SH3PXD2B: variants seen among roughly 807,000 people sequenced by gnomAD.
SH3PXD2B encodes SH3 and PX domain-containing protein 2B.
SH3PXD2B carries 37 observed loss-of-function variants against 73.1 expected under a neutral mutation model. The ratio of observed to expected loss-of-function variants is 0.51; its 90% CI spans 0.39 to 0.67. SH3PXD2B has a LOEUF of 0.67. Among genes scored for constraint, SH3PXD2B ranks in the 30% least tolerant of loss-of-function variants. The pLI, the probability that SH3PXD2B is intolerant of heterozygous loss-of-function variation, is 0.00. For synonymous variants in SH3PXD2B, 457 were observed against 480.5 expected, an observed-to-expected ratio of 0.95 and a Z score of 0.64; for missense variants, 1,053 against 1,197.8, an observed-to-expected ratio of 0.88 and a Z score of 1.78.
At chr5:172,439,698 A>ACGCGCGCGCGCG (rs1561584017) in intron 1 of SH3PXD2B, among the ~76,000 whole-genome samples, 5 of 111,550 alleles carry the variant, frequency 4.5e-5, no homozygotes, top group African/African-American at 1.9e-4. Flanking sequence ...GCGCGCACAC[A>ACGCGCGCGCGCG]CACACACACA....
At chr5:172,343,108 G>T (rs1756895812) in intron 12 of SH3PXD2B, among the ~76,000 whole-genome samples, 1 of 152,270 alleles carries the variant, frequency 6.6e-6, no homozygotes. Context: ...GATTAAATTA[G>T]AGTGGAGGTC....
At chr5:172,452,448 CG>C (rs1759817136) in intron 1 of SH3PXD2B, among the ~76,000 whole-genome samples, 1 of 152,138 alleles carries the variant, frequency 6.6e-6, no homozygotes, top group Non-Finnish European at 1.5e-5. Context: ...ATAGGGGTAC[CG>C]GATGTGGGAA....
chr5:172,425,576 G>C (rs141901894), intron 1 of SH3PXD2B, among the ~76,000 whole-genome samples: 2 of 152,202 alleles, frequency 1.3e-5, no homozygotes, highest in Non-Finnish European at 2.9e-5. Context: ...CCTGTGTGAG[G>C]AACAGGAGAG....
intron 6 of SH3PXD2B, among the ~76,000 whole-genome samples, 192 bp downstream of exon 6, chr5:172,373,598 A>ATCCC (rs1199104378): frequency 1.4e-5 from 2 of 147,792 alleles, no homozygotes; most frequent in Non-Finnish European, 3.0e-5. Context: ...CCATCCATCC[A>ATCCC]TCCATCCATC....
chr5:172,398,964 T>A (rs1328129413), intron 3 of SH3PXD2B, among the ~76,000 whole-genome samples: 1 of 152,146 alleles, frequency 6.6e-6, no homozygotes, highest in Non-Finnish European at 1.5e-5. Flanking sequence ...TTTAGTGGAG[T>A]GGTGTTTTCT....
intron 12 of SH3PXD2B, among the ~76,000 whole-genome samples, chr5:172,342,216 T>C (rs896567046): frequency 3.3e-5 from 5 of 152,204 alleles, no homozygotes; most frequent in African/African-American, 1.2e-4. Context: ...CCACCCAGTC[T>C]GGTATTTTGT....
chr5:172,399,884 C>G (rs1418380629), intron 3 of SH3PXD2B, among the ~76,000 whole-genome samples: 1 of 152,120 alleles, frequency 6.6e-6, no homozygotes, highest in Non-Finnish European at 1.5e-5. Context: ...CTTATTCGAC[C>G]TCTCACCTGG....
In SH3PXD2B at chr5:172,397,293, A is replaced by G. The variant is rs1414225157; in HGVS notation, c.233-2654T>C. Among the ~76,000 whole-genome samples the G allele has an allele frequency of 3.3e-5, 5 of 152,192 alleles. No individual in the cohort carries two copies. The East Asian group carries it at 5.8e-4, about 18-fold the overall frequency. ...TGGTCAGACCGTTGTCTGCTCTCAA[A>G]CCCTGTCTCCTGATAAGGTGTTATC... On this transcript the variant is annotated intron_variant, in intron 3 of 12. Coordinates refer to ENST00000311601, the MANE Select transcript of SH3PXD2B (RefSeq NM_001017995.3).
chr5:172,444,750 A>C (rs1031577146), intron 1 of SH3PXD2B, among the ~76,000 whole-genome samples: 1 of 152,064 alleles, frequency 6.6e-6, no homozygotes, highest in African/African-American at 2.4e-5. Flanking sequence ...TTCACCCATG[A>C]AGGGCTCTTC....
intron 12 of SH3PXD2B, among the ~76,000 whole-genome samples, chr5:172,328,356 G>A (rs191276009): frequency 1.9e-3 from 284 of 152,006 alleles, no homozygotes; most frequent in Non-Finnish European, 2.9e-3. Flanking sequence ...CGTCTGCCTC[G>A]GCCTCCCAAA....
intron 1 of SH3PXD2B, among the ~76,000 whole-genome samples, chr5:172,427,702 G>GTTCCT (rs1759130206): frequency 6.6e-6 from 1 of 151,836 alleles, no homozygotes; most frequent in Non-Finnish European, 1.5e-5. Flanking sequence ...GATGAAAAAA[G>GTTCCT]TTCTGGCGAT....
At chr5:172,379,451 T>C (rs1757895441) in intron 5 of SH3PXD2B, among the ~76,000 whole-genome samples, 1 of 152,162 alleles carries the variant, frequency 6.6e-6, no homozygotes. Context: ...TGATCTTGGA[T>C]TTCCAGCCTC....
Position 172,336,721 on chromosome 5 carries a change from A to G in SH3PXD2B, c.*1648T>C. The G allele has an allele frequency of 1.0e-6, 1 of 985,346 alleles. No individual in the cohort carries two copies. The highest frequency in any genetic ancestry group is 1.2e-6 in the Non-Finnish European group (1 of 830,100). The allele number at this position is 985,346 out of a possible 1,614,324, so 61.0% of individuals were successfully genotyped here. On this transcript the variant is annotated 3_prime_UTR_variant, in exon 13 of 13. Transcript: ENST00000311601. ...GGGGAGGGGCGGGGCAGGGCAGGGC[A>G]GGGCTGCCTCGGTCGGGTAGAATGG...
At position 172,346,324 on chromosome 5, in the gene SH3PXD2B, G is replaced by A; in HGVS notation, c.1063-63C>T. On this transcript the variant is annotated intron_variant, in intron 11 of 12. Transcript: ENST00000311601. ...GTGCACTCCTGCGACCCTGTGTCAGGGGGAGTCTAAGGGCCTGGGGCATGC... is the reference window on the plus strand; with the variant it reads ...GTGCACTCCTGCGACCCTGTGTCAGAGGGAGTCTAAGGGCCTGGGGCATGC... 4 of 1,609,764 alleles carry A rather than the reference G, an allele frequency of 2.5e-6. No individual in the cohort carries two copies. In the African/African-American group the frequency reaches 4.0e-5, roughly 16 times the overall value.
chr5:172,363,017 G>A, intron 6 of SH3PXD2B, 148 bp from the exon 7 acceptor site: 1 of 1,121,954 alleles, frequency 8.9e-7, no homozygotes, highest in Non-Finnish European at 1.3e-6. Flanking sequence ...TCCATTCATT[G>A]TTCTATTCAT....
At chr5:172,432,929 G>A (rs1365665388) in intron 1 of SH3PXD2B, among the ~76,000 whole-genome samples, 7 of 55,720 alleles carry the variant, frequency 1.3e-4, no homozygotes, top group Non-Finnish European at 2.3e-4. Flanking sequence ...AAAAAAAGGG[G>A]GGGGGGGGGG....
intron 12 of SH3PXD2B, among the ~76,000 whole-genome samples, chr5:172,326,398 G>A (rs1310996589): frequency 1.3e-5 from 2 of 152,206 alleles, no homozygotes; most frequent in African/African-American, 4.8e-5. Flanking sequence ...GAAATAACTG[G>A]ATTGAACTAG....
chr5:172,398,900 T>G (rs1758366679), intron 3 of SH3PXD2B, among the ~76,000 whole-genome samples: 1 of 152,148 alleles, frequency 6.6e-6, no homozygotes, highest in African/African-American at 2.4e-5. Context: ...CTTTTCAGCT[T>G]CTGGTTTTCG....
intron 8 of SH3PXD2B, among the ~76,000 whole-genome samples, chr5:172,355,571 T>G (rs10061113): frequency 0.38 from 56,695 of 149,722 alleles, 11,746 homozygotes; most frequent in African/African-American, 0.56. Context: ...TTTAGACGGA[T>G]TCTCGCTCTG....
Sources: allele counts gnomAD v4.1 joint callset (sites outside exome capture counted in the v4.1 genomes callset), GRCh38; gene constraint gnomAD v4.1.1; transcripts MANE v1.5; gene names NCBI Gene and HGNC (gene_info 2026-07-23, HGNC 2026-07-21).